RUNDC3B: variants seen among roughly 807,000 people sequenced by gnomAD.
RUNDC3B encodes RUN domain containing 3B, also known as RUN domain-containing protein 3B.
A neutral mutation model predicts 58.4 loss-of-function variants in RUNDC3B; 33 were observed. The observed-to-expected ratio is 0.56, with a 90% CI of 0.43 to 0.75. The LOEUF (loss-of-function observed/expected upper bound fraction) is 0.75, where lower values mean the gene tolerates loss of function less well. Ranked by LOEUF, RUNDC3B falls within the 30% of genes least tolerant of loss-of-function variation. The probability of loss-of-function intolerance (pLI) is 0.00; values close to 1 mark genes in which losing one functional copy is unlikely to be tolerated. For missense variants in RUNDC3B, 501 were observed against 535.7 expected, an observed-to-expected ratio of 0.94 and a Z score of 0.64; for synonymous variants, 193 against 195.2, an observed-to-expected ratio of 0.99 and a Z score of 0.10.
In RUNDC3B at chr7:87,714,908, T is replaced by C. The variant is rs549795303; in HGVS notation, c.458+4253T>C. Reference sequence around the variant, plus strand: ...ACCGCACGTCCATTCATAGGCTCTCTGCAGGGGGAAGCACGTCACGCGCTG... The same window carrying C: ...ACCGCACGTCCATTCATAGGCTCTCCGCAGGGGGAAGCACGTCACGCGCTG... On this transcript the variant is annotated intron_variant, in intron 4 of 10. Coordinates refer to ENST00000394654, the MANE Select transcript of RUNDC3B (RefSeq NM_001134405.2). 2.6e-5 allele frequency among the ~76,000 whole-genome samples: 4 copies of C among 152,204 alleles called. No individual in the cohort carries two copies. In the South Asian group the frequency reaches 8.3e-4, roughly 32 times the overall value.
intron 4 of RUNDC3B, among the ~76,000 whole-genome samples, chr7:87,724,536 A>G (rs1831098935): frequency 6.6e-6 from 1 of 152,080 alleles, no homozygotes; most frequent in Admixed American, 6.6e-5. Flanking sequence ...GAAAAAAATA[A>G]TCACTTGTGA....
At chr7:87,787,255 A>T (rs1835270308) in intron 8 of RUNDC3B, among the ~76,000 whole-genome samples, 1 of 152,116 alleles carries the variant, frequency 6.6e-6, no homozygotes, top group African/African-American at 2.4e-5. Context: ...TCTTGCTGAG[A>T]TTTTTAAAAA....
chr7:87,715,421 T>TTAATATATAATTATATTAATA (rs201850000), intron 4 of RUNDC3B, among the ~76,000 whole-genome samples: 131 of 128,442 alleles, frequency 1.0e-3, no homozygotes, highest in African/African-American at 3.7e-3. Flanking sequence ...TATAATATAT[T>TTAATATATAATTATATTAATA]TAATATATAA....
intron 2 of RUNDC3B, among the ~76,000 whole-genome samples, chr7:87,654,650 C>T (rs1394397832): frequency 6.6e-6 from 1 of 152,050 alleles, no homozygotes; most frequent in Non-Finnish European, 1.5e-5. Flanking sequence ...GAAAAGGCTC[C>T]ATGACATTGG....
At chr7:87,703,091 A>G (rs1829238209) in intron 3 of RUNDC3B, among the ~76,000 whole-genome samples, 1 of 152,172 alleles carries the variant, frequency 6.6e-6, no homozygotes, top group African/African-American at 2.4e-5. Context: ...GAAAATAAAG[A>G]TTGAAAATTG....
chr7:87,778,884 AT>A (rs1211187920), intron 8 of RUNDC3B, among the ~76,000 whole-genome samples: 1 of 152,128 alleles, frequency 6.6e-6, no homozygotes, highest in African/African-American at 2.4e-5. Context: ...AATAATTTAA[AT>A]TTGTTTATTT....
rs187295417 is a variant in RUNDC3B, at chr7:87,745,884, A to G, written c.629+4305A>G. On this transcript the variant is annotated intron_variant, in intron 6 of 10. Transcript: ENST00000394654. ...TCTTGTTTCTCTAGTGCCTTGAGGC[A>G]TGACCTTAGAACGTCAGTTTGTACT... Among the ~76,000 whole-genome samples the G allele has an allele frequency of 3.0e-4, 45 of 152,154 alleles. No individual in the cohort carries two copies. The East Asian group carries it at 8.3e-3, about 28-fold the overall frequency.
At chr7:87,747,071 T>G (rs991954873) in intron 6 of RUNDC3B, among the ~76,000 whole-genome samples, 2 of 152,114 alleles carry the variant, frequency 1.3e-5, no homozygotes, top group African/African-American at 4.8e-5. Context: ...TTACCAGGGT[T>G]GGTTTTCTGG....
chr7:87,711,446 C>T (rs533668967), intron 4 of RUNDC3B, among the ~76,000 whole-genome samples: 30 of 152,080 alleles, frequency 2.0e-4, no homozygotes, highest in Admixed American at 5.9e-4. Context: ...ATAAAGATGA[C>T]ATCCTGTGCC....
At chr7:87,703,913 G>GTTTTTTTTTTTTTTTTTTTTTTT (rs1829340053) in intron 3 of RUNDC3B, among the ~76,000 whole-genome samples, 1 of 31,288 alleles carries the variant, frequency 3.2e-5, no homozygotes, top group Non-Finnish European at 6.0e-5. Flanking sequence ...TTTTTTTTTT[G>GTTTTTTTTTTTTTTTTTTTTTTT]GTTTTTTTTT....
chr7:87,755,734 G>A (rs1180795727), intron 6 of RUNDC3B, among the ~76,000 whole-genome samples: 1 of 152,036 alleles, frequency 6.6e-6, no homozygotes, highest in African/African-American at 2.4e-5. Context: ...AATAATAAGA[G>A]CCATCTATGA....
chr7:87,743,424 T>G (rs1043701652), intron 6 of RUNDC3B, among the ~76,000 whole-genome samples: 2 of 152,190 alleles, frequency 1.3e-5, no homozygotes, highest in Admixed American at 1.3e-4. Context: ...CTAGTTTATA[T>G]TACCACCAGC....
intron 6 of RUNDC3B, among the ~76,000 whole-genome samples, chr7:87,752,511 C>CT (rs1833075699): frequency 6.6e-6 from 1 of 152,000 alleles, no homozygotes; most frequent in Admixed American, 6.6e-5. Context: ...GTCCTGGACT[C>CT]TTTTTGGTTG....
intron 6 of RUNDC3B, among the ~76,000 whole-genome samples, chr7:87,751,524 CT>C (rs1832984397): frequency 6.6e-6 from 1 of 152,146 alleles, no homozygotes; most frequent in Non-Finnish European, 1.5e-5. Context: ...ATGGAATGTT[CT>C]TCCATTTGCT....
chr7:87,634,304 T>C (rs1821523113), intron 1 of RUNDC3B, among the ~76,000 whole-genome samples: 1 of 152,058 alleles, frequency 6.6e-6, no homozygotes, highest in Non-Finnish European at 1.5e-5. Context: ...CATATACAGA[T>C]TGCAGCATAA....
chr7:87,666,177 C>T (rs1203599022), intron 2 of RUNDC3B, among the ~76,000 whole-genome samples: 1 of 152,108 alleles, frequency 6.6e-6, no homozygotes, highest in Non-Finnish European at 1.5e-5. Flanking sequence ...TAGTAATAGC[C>T]ATTCTGACTG....
intron 10 of RUNDC3B, among the ~76,000 whole-genome samples, chr7:87,826,567 TAAAG>T (rs1286928160): frequency 3.3e-5 from 5 of 151,670 alleles, no homozygotes; most frequent in South Asian, 2.1e-4. Flanking sequence ...GAAAATGAGA[TAAAG>T]AAAGAAGTAA....
chr7:87,709,124 A>G (rs1431123274), intron 3 of RUNDC3B: 1 of 315,306 alleles, frequency 3.2e-6, no homozygotes, highest in Non-Finnish European at 4.6e-6. Flanking sequence ...CTTATAATAT[A>G]ACAGGATTCC....
intron 3 of RUNDC3B, among the ~76,000 whole-genome samples, chr7:87,702,497 C>G (rs1829180515): frequency 6.6e-6 from 1 of 152,084 alleles, no homozygotes; most frequent in Admixed American, 6.5e-5. Context: ...CCAGGCTAGT[C>G]TAGAAATCCT....
Sources: allele counts gnomAD v4.1 joint callset (sites outside exome capture counted in the v4.1 genomes callset), GRCh38; gene constraint gnomAD v4.1.1; transcripts MANE v1.5; gene names NCBI Gene and HGNC (gene_info 2026-07-23, HGNC 2026-07-21).